Variants in FLRT2 observed in about 807,000 individuals in gnomAD.
FLRT2 encodes leucine-rich repeat transmembrane protein FLRT2.
In FLRT2, 15 loss-of-function variants were observed where a neutral mutation model predicts 40.0. The ratio of observed to expected loss-of-function variants is 0.38; its 90% CI spans 0.25 to 0.58. The LOEUF (loss-of-function observed/expected upper bound fraction) is 0.58. FLRT2 is among the 20% of genes least tolerant of loss of function. FLRT2 has a pLI of 0.71. For missense variants in FLRT2, 726 were observed against 840.0 expected (o/e 0.86, Z 1.68); for synonymous variants, 380 against 336.8 (o/e 1.13, Z -1.41).
At position 85,649,649 on chromosome 14, in the gene FLRT2, T is replaced by A. The variant is rs545264867; in HGVS notation, c.*26152T>A. 6.6e-6 allele frequency: 1 copy of A among 152,220 alleles called. No individual in the cohort carries two copies. Among genetic ancestry groups the A allele is most frequent in the South Asian group, 2.1e-4 (1 of 4,834 alleles). 9.4% of individuals were successfully genotyped at this position (152,220 alleles called of 1,614,324 possible). ...TTAGGCAAAGGATTTTAAGATAAATTCTTTCATACTGGAATTTGTGATACT... is the reference window on the plus strand; with the variant it reads ...TTAGGCAAAGGATTTTAAGATAAATACTTTCATACTGGAATTTGTGATACT... On this transcript the variant is annotated 3_prime_UTR_variant, in exon 2 of 2. Transcript: ENST00000330753.
At chr14:85,536,637 GT>G (rs11311753) in intron 1 of FLRT2, among the ~76,000 whole-genome samples, 92,359 of 145,620 alleles carry the variant, frequency 0.63, 29,385 homozygotes, top group African/African-American at 0.76. Flanking sequence ...AATACTCATG[GT>G]TTTTTTTTTT....
rs1894103231 is a variant in FLRT2 at position 85,639,768 on chromosome 14, G to A, written c.*16271G>A. The A allele has an allele frequency of 6.6e-6, 1 of 151,854 alleles. No individual in the cohort carries two copies. The highest frequency in any genetic ancestry group is 1.5e-5 in the Non-Finnish European group (1 of 67,988). The allele number at this position is 151,854 out of a possible 1,614,324, so 9.4% of individuals were successfully genotyped here. ...GATGGAATGAGCTTTGAAAACACAGGGCTTAGGATTTCAAATCAGGCTGTT... is the reference window on the plus strand; with the variant it reads ...GATGGAATGAGCTTTGAAAACACAGAGCTTAGGATTTCAAATCAGGCTGTT... On this transcript the variant is annotated 3_prime_UTR_variant, in exon 2 of 2. Transcript: ENST00000330753.
chr14:85,599,578 G>GA (rs1892293795), intron 1 of FLRT2, among the ~76,000 whole-genome samples: 1 of 152,158 alleles, frequency 6.6e-6, no homozygotes, highest in Non-Finnish European at 1.5e-5. Flanking sequence ...TTGGATTGAA[G>GA]AAAGAAGTTT....
chr14:85,591,684 A>G (rs1891891812), intron 1 of FLRT2, among the ~76,000 whole-genome samples: 1 of 152,194 alleles, frequency 6.6e-6, no homozygotes, highest in Non-Finnish European at 1.5e-5. Context: ...CATCACCTCA[A>G]CCCTGCAAAA....
At chr14:85,607,159 C>T (rs533780729) in intron 1 of FLRT2, among the ~76,000 whole-genome samples, 2 of 151,740 alleles carry the variant, frequency 1.3e-5, no homozygotes, top group South Asian at 2.1e-4. Context: ...TAGATGATTG[C>T]GTTTTTGCTC....
At chr14:85,592,728 GC>G (rs1891948177) in intron 1 of FLRT2, among the ~76,000 whole-genome samples, 2 of 146,984 alleles carry the variant, frequency 1.4e-5, no homozygotes, top group African/African-American at 5.1e-5. Flanking sequence ...GGCGAAGGTT[GC>G]AGCGAGCCGA....
At chr14:85,532,949 TGGTAGGAACGGCATGTGCCG>T (rs1888375839) in intron 1 of FLRT2, among the ~76,000 whole-genome samples, 1 of 152,106 alleles carries the variant, frequency 6.6e-6, no homozygotes, top group African/African-American at 2.4e-5. Flanking sequence ...TAAGGACTGG[TGGTAGGAACGGCATGTGCCG>T]GGTAGATAGA....
In FLRT2 at chr14:85,653,373, C is replaced by A. The variant is rs140004029; in HGVS notation, c.*29876C>A. 3 of 152,164 alleles carry A rather than the reference C, an allele frequency of 2.0e-5. No individual in the cohort carries two copies. Among genetic ancestry groups the A allele is most frequent in the Non-Finnish European group, 2.9e-5 (2 of 68,014 alleles). The allele number at this position is 152,164 out of a possible 1,614,324, so 9.4% of individuals were successfully genotyped here. A position where few individuals can be genotyped will look rare whatever the true frequency, so the allele number is the denominator to read the frequency against. ...ATTTGGCTAGTCACACCTGGGTGACCAATATCCGGAGGCTCTACGTCAAGT... is the reference window on the plus strand; with the variant it reads ...ATTTGGCTAGTCACACCTGGGTGACAAATATCCGGAGGCTCTACGTCAAGT... On this transcript the variant is annotated 3_prime_UTR_variant, in exon 2 of 2. Coordinates refer to ENST00000330753, the MANE Select transcript of FLRT2 (RefSeq NM_013231.6).
intron 1 of FLRT2, chr14:85,551,636 A>G (rs1210816370): frequency 6.6e-6 from 1 of 152,202 alleles, no homozygotes; most frequent in East Asian, 1.9e-4. Context: ...ACACATGGAA[A>G]GGATGAATAT....
chr14:85,572,683 C>A (rs902209906), intron 1 of FLRT2, among the ~76,000 whole-genome samples: 6 of 152,180 alleles, frequency 3.9e-5, no homozygotes, highest in African/African-American at 1.4e-4. Flanking sequence ...CTGGCTGACC[C>A]ACTGGGTCCA....
At chr14:85,531,216 G>T (rs1414911350) in intron 1 of FLRT2, 1 of 152,322 alleles carries the variant, frequency 6.6e-6, no homozygotes, top group East Asian at 1.9e-4. Context: ...GGCGGAATCC[G>T]GATCGAGTGA....
chr14:85,650,792 A>G lies in FLRT2; in HGVS notation c.*27295A>G, dbSNP rs538886465. ...TCTTACTGGTTCATATTCTCTATAC[A>G]TGCTGAATGGTGTTAGCTAGCTATA... On this transcript the variant is annotated 3_prime_UTR_variant, in exon 2 of 2. Coordinates refer to ENST00000330753, the MANE Select transcript of FLRT2 (RefSeq NM_013231.6). 1.3e-5 allele frequency: 2 copies of G among 151,836 alleles called. No homozygotes were observed. Among genetic ancestry groups the G allele is most frequent in the South Asian group, 4.2e-4 (2 of 4,816 alleles). The allele number at this position is 151,836 out of a possible 1,614,324, so 9.4% of individuals were successfully genotyped here.
At chr14:85,553,281 G>T (rs1203121462) in intron 1 of FLRT2, among the ~76,000 whole-genome samples, 1 of 152,178 alleles carries the variant, frequency 6.6e-6, no homozygotes, top group Non-Finnish European at 1.5e-5. Context: ...ATTTTAGAAT[G>T]CAGACAGGGA....
In FLRT2 at chr14:85,584,265, G is replaced by C. The variant is rs549305217; in HGVS notation, c.-376-36874G>C. ...ACTAGAAAATGCCTTTTTTGAATGA[G>C]ATGGGCACATATGGCTGCATAGTAT... On this transcript the variant is annotated intron_variant, in intron 1 of 1. Coordinates refer to ENST00000330753, the MANE Select transcript of FLRT2 (RefSeq NM_013231.6). 5.3e-5 allele frequency among the ~76,000 whole-genome samples: 8 copies of C among 152,256 alleles called. No homozygotes were observed. The South Asian group carries it at 1.7e-3, about 32-fold the overall frequency.
chr14:85,587,448 T>C (rs570600324), intron 1 of FLRT2, among the ~76,000 whole-genome samples: 10 of 152,292 alleles, frequency 6.6e-5, no homozygotes, highest in Non-Finnish European at 1.2e-4. Flanking sequence ...GCATTTGATG[T>C]ATAATCTTGT....
intron 1 of FLRT2, chr14:85,561,290 G>A (rs1029579942): frequency 6.6e-6 from 1 of 152,156 alleles, no homozygotes; most frequent in African/African-American, 2.4e-5. Flanking sequence ...CAGCCTGGGG[G>A]TAAGAAAGTA....
At chr14:85,536,635 T>C (rs901287541) in intron 1 of FLRT2, among the ~76,000 whole-genome samples, 5 of 93,676 alleles carry the variant, frequency 5.3e-5, no homozygotes, top group Non-Finnish European at 1.0e-4. Context: ...TGAATACTCA[T>C]GGTTTTTTTT....
intron 1 of FLRT2, among the ~76,000 whole-genome samples, chr14:85,539,277 A>G (rs1399109351): frequency 6.6e-6 from 1 of 152,030 alleles, no homozygotes; most frequent in Admixed American, 6.6e-5. Flanking sequence ...GGCATTTTAC[A>G]TTTTATCATA....
intron 1 of FLRT2, among the ~76,000 whole-genome samples, chr14:85,573,560 A>C (rs1890994034): frequency 6.6e-6 from 1 of 152,152 alleles, no homozygotes; most frequent in African/African-American, 2.4e-5. Flanking sequence ...CTAAGCCTGG[A>C]AAAATGTCTC....
Sources: gnomAD v4.1 joint callset for allele counts (sites outside exome capture counted in the v4.1 genomes callset) on GRCh38, gnomAD v4.1.1 for gene constraint, MANE v1.5 for transcripts, NCBI Gene and HGNC (gene_info 2026-07-23, HGNC 2026-07-21) for gene names.